MDH2: variants seen among roughly 807,000 people sequenced by gnomAD.
MDH2 encodes malate dehydrogenase 2, also known as malate dehydrogenase, mitochondrial.
In MDH2, 25 loss-of-function variants were observed where a neutral mutation model predicts 33.6. The observed-to-expected ratio is 0.74, with a 90% CI of 0.54 to 1.04. The LOEUF (loss-of-function observed/expected upper bound fraction) is 1.04, where lower values mean the gene tolerates loss of function less well. Among genes scored for constraint, MDH2 ranks in the 50% least tolerant of loss-of-function variants. The pLI is 0.00. For synonymous variants in MDH2, 193 were observed against 188.7 expected, an observed-to-expected ratio of 1.02 and a Z score of -0.19; for missense variants, 432 against 445.0, an observed-to-expected ratio of 0.97 and a Z score of 0.26.
intron 7 of MDH2, 105 bp downstream of exon 7, chr7:76,064,543 G>A (rs1388116857): frequency 2.4e-5 from 26 of 1,092,466 alleles, no homozygotes; most frequent in Non-Finnish European, 3.2e-5. Flanking sequence ...ATCCTTTTCA[G>A]TGTTGATTTG....
chr7:76,050,557 C>A (rs992367485), intron 1 of MDH2, among the ~76,000 whole-genome samples: 3 of 152,142 alleles, frequency 2.0e-5, no homozygotes, highest in African/African-American at 7.2e-5. Flanking sequence ...ACAGAACAGG[C>A]CTTGTAAAAC....
chr7:76,049,826 G>A (rs1554585104), intron 1 of MDH2, among the ~76,000 whole-genome samples: 2 of 152,018 alleles, frequency 1.3e-5, no homozygotes, highest in Non-Finnish European at 2.9e-5. Context: ...TAGGGAAGAG[G>A]GTACCAATTT....
intron 1 of MDH2, 100 bp downstream of exon 1, chr7:76,048,326 G>A: frequency 2.1e-6 from 3 of 1,417,876 alleles, no homozygotes; most frequent in Non-Finnish European, 2.8e-6. Flanking sequence ...AGGCCAGCCT[G>A]GACCGCAGGG....
rs1797730276 is a variant in MDH2 at position 76,055,110 on chromosome 7, T to C, written c.235+112T>C. 3 of 1,254,562 alleles carry C rather than the reference T, an allele frequency of 2.4e-6. No individual in the cohort carries two copies. In the African/African-American group the frequency reaches 4.6e-5, roughly 19 times the overall value. The allele number at this position is 1,254,562 out of a possible 1,614,324, so 77.7% of individuals were successfully genotyped here. On this transcript the variant is annotated intron_variant, in intron 2 of 8. Coordinates refer to ENST00000315758, the MANE Select transcript of MDH2 (RefSeq NM_005918.4). ...AAATGTTTAGAGACGGGGGTTTCTC[T>C]GTTTTAAATTTAAATTTTACAAGTG...
intron 1 of MDH2, 24 bp from the exon 2 acceptor site, chr7:76,054,806 T>C (rs2116662512): frequency 1.2e-6 from 2 of 1,613,628 alleles, no homozygotes; most frequent in Non-Finnish European, 1.7e-6. Context: ...CTCCTAAGAG[T>C]CCTTTCTCTG....
At chr7:76,048,540 C>G in intron 1 of MDH2, 1 of 1,317,292 alleles carries the variant, frequency 7.6e-7, no homozygotes. Context: ...AACCAGGGCT[C>G]TGCATCTGAA....
At chr7:76,050,495 GAAGGTT>G (rs1797588465) in intron 1 of MDH2, among the ~76,000 whole-genome samples, 1 of 152,250 alleles carries the variant, frequency 6.6e-6, no homozygotes, top group African/African-American at 2.4e-5. Context: ...GGCATGCCTT[GAAGGTT>G]TGAGAAAATG....
At chr7:76,059,921 C>G (rs1563549919) in intron 4 of MDH2, among the ~76,000 whole-genome samples, 1 of 152,144 alleles carries the variant, frequency 6.6e-6, no homozygotes. Context: ...TCGTTTCCCC[C>G]ACTTACAGAA....
intron 1 of MDH2, among the ~76,000 whole-genome samples, chr7:76,049,329 G>C (rs1370201476): frequency 2.6e-5 from 4 of 152,168 alleles, no homozygotes; most frequent in African/African-American, 4.8e-5. Flanking sequence ...TTGCGCTGCG[G>C]TGAAGTGGGG....
At chr7:76,065,339 G>A (rs1159529289) in intron 8 of MDH2, among the ~76,000 whole-genome samples, 3 of 152,180 alleles carry the variant, frequency 2.0e-5, no homozygotes, top group African/African-American at 7.2e-5. Context: ...CTCTTCGAGA[G>A]TGTGCCCCAT....
At chr7:76,058,415 C>T (rs1265643434) in intron 4 of MDH2, among the ~76,000 whole-genome samples, 2 of 152,126 alleles carry the variant, frequency 1.3e-5, no homozygotes, top group Non-Finnish European at 2.9e-5. Context: ...CTCTTGATTC[C>T]CTTTTTGACA....
chr7:76,065,373 A>C (rs1798068327), intron 8 of MDH2, among the ~76,000 whole-genome samples: 1 of 152,120 alleles, frequency 6.6e-6, no homozygotes, highest in Non-Finnish European at 1.5e-5. Context: ...GTCTTCAGCA[A>C]ACAGAAACCC....
chr7:76,066,669 T>G lies in MDH2; in HGVS notation c.*259T>G. The G allele has an allele frequency of 3.1e-6, 1 of 322,068 alleles. No homozygotes were observed. The highest frequency in any genetic ancestry group is 2.1e-5 in the African/African-American group (1 of 46,944). The allele number at this position is 322,068 out of a possible 1,614,324, so 20.0% of individuals were successfully genotyped here. A position where few individuals can be genotyped will look rare whatever the true frequency, so the allele number is the denominator to read the frequency against. ...TTTAGAGTGTCTGCTACCTCTTCAT[T>G]ACCAATCAGAATTAGATGATGTTTA... On this transcript the variant is annotated 3_prime_UTR_variant, in exon 9 of 9. Transcript: ENST00000315758.
rs374983582 is a variant in MDH2 at position 76,061,616 on chromosome 7, C to T, written c.555+1118C>T. 6.0e-5 allele frequency among the ~76,000 whole-genome samples: 9 copies of T among 150,478 alleles called. No homozygotes were observed. The East Asian group carries it at 1.2e-3, about 20-fold the overall frequency. On this transcript the variant is annotated intron_variant, in intron 5 of 8. Coordinates refer to ENST00000315758, the MANE Select transcript of MDH2 (RefSeq NM_005918.4). The stretch of plus-strand genomic sequence containing the variant: ...GATTGCGCCACTGCGCTCCAGCCTG[C>T]GTGACAGAGCAAGACCCTGTCTCTT...
chr7:76,066,558 TG>T lies in MDH2; in HGVS notation c.*151del. 1.0e-6 allele frequency: 1 copy of T among 961,920 alleles called. No individual in the cohort carries two copies. 59.6% of individuals were successfully genotyped at this position (961,920 alleles called of 1,614,324 possible). A position where few individuals can be genotyped will look rare whatever the true frequency, so the allele number is the denominator to read the frequency against. ...GCCTTCCAAATTGTGGGTGGCTCTG[TG>T]GGCGCATCAATAAAAGCCGTCCTTG... is the stretch of plus-strand genomic sequence containing the variant. On this transcript the variant is annotated 3_prime_UTR_variant, in exon 9 of 9. Transcript: ENST00000315758.
Position 76,064,338 on chromosome 7 carries a change from G to C in MDH2, c.634-1G>C. The C allele has an allele frequency of 6.2e-7, 1 of 1,609,908 alleles. No individual in the cohort carries two copies. The highest frequency in any genetic ancestry group is 8.5e-7 in the Non-Finnish European group (1 of 1,178,496). ...CACTGATCCCATGGCTTGGCTTGCA[G>C]TGCACCCCCAAGGTGGACTTTCCCC... is the stretch of plus-strand genomic sequence containing the variant. On this transcript the variant is annotated splice_acceptor_variant, in intron 6 of 8. Coordinates refer to ENST00000315758, the MANE Select transcript of MDH2 (RefSeq NM_005918.4). LOFTEE classifies it high-confidence loss of function.
chr7:76,062,068 C>G (rs1351936935), intron 5 of MDH2, among the ~76,000 whole-genome samples: 1 of 152,176 alleles, frequency 6.6e-6, no homozygotes, highest in Non-Finnish European at 1.5e-5. Flanking sequence ...TCCCGTCCCC[C>G]ACCTCCAACA....
chr7:76,064,880 GTGT>G lies in MDH2; in HGVS notation c.816_818del (p.Val273del). ...GTGGATGCAATGAATGGAAAGGAAG[GTGT>G]TGTGGAATGTTCCTTCGTTAAGTCA... On this transcript the variant is annotated inframe_deletion, in exon 8 of 9. Transcript: ENST00000315758. 1 of 1,614,218 alleles carries G rather than the reference GTGT, an allele frequency of 6.2e-7. No individual in the cohort carries two copies.
At chr7:76,062,931 T>G (rs1797993398) in intron 5 of MDH2, among the ~76,000 whole-genome samples, 1 of 152,120 alleles carries the variant, frequency 6.6e-6, no homozygotes, top group Non-Finnish European at 1.5e-5. Flanking sequence ...GTTCACAGAT[T>G]CTTGGGGGTG....
Sources: allele counts gnomAD v4.1 joint callset (sites outside exome capture counted in the v4.1 genomes callset), GRCh38; gene constraint gnomAD v4.1.1; transcripts MANE v1.5; gene names NCBI Gene and HGNC (gene_info 2026-07-23, HGNC 2026-07-21).